TMEM131: variants seen among roughly 807,000 people sequenced by gnomAD.
TMEM131 encodes 2610524E03Rik.
TMEM131 carries 66 observed loss-of-function variants against 211.6 expected under a neutral mutation model. That is an observed-to-expected ratio of 0.31 (90% CI 0.26 to 0.38). The LOEUF is 0.38. TMEM131 is among the 10% of genes least tolerant of loss of function. The pLI is 1.00. For synonymous variants in TMEM131, 844 were observed against 841.3 expected, an observed-to-expected ratio of 1.00 and a Z score of -0.06; for missense variants, 2,036 against 2,299.3, an observed-to-expected ratio of 0.89 and a Z score of 2.34.
rs746751688 is a variant in TMEM131 at position 97,814,072 on chromosome 2, T to C, written c.1516A>G (p.Met506Val). The change falls in exon 15 of 41, where the codon ATG becomes GTG. Residue 506 changes from methionine to valine, a missense_variant. Met to Val is a conservative substitution (Grantham distance 21). Around this residue, in one of 3 missense-constraint regions of TMEM131, gnomAD observed 1,623 missense variants for 1,805.9 expected, o/e 0.90. Coordinates refer to ENST00000186436, the MANE Select transcript of TMEM131 (RefSeq NM_015348.2). ...ESGYIFTLLFMPSTSSMHIDN... is the reference protein window; with the variant it reads ...ESGYIFTLLFVPSTSSMHIDN... Reference sequence around the variant, plus strand: ...ATGTGCATGGATGATGTGGAAGGCATAAAAAGCAGGGTAAAAATGTATCCT... The same window carrying C: ...ATGTGCATGGATGATGTGGAAGGCACAAAAAGCAGGGTAAAAATGTATCCT... The C allele has an allele frequency of 6.2e-7, 1 of 1,603,558 alleles. No homozygotes were observed. Among genetic ancestry groups the C allele is most frequent in the Admixed American group, 1.7e-5 (1 of 58,284 alleles).
rs143505846 is a variant in TMEM131, at chr2:97,966,896, T to C, written c.187+28580A>G. The stretch of plus-strand genomic sequence containing the variant: ...TTACTCTCTACACCACTGAGAAAGG[T>C]AGCCAGGCAGGTCCCTCATATAAGA... On this transcript the variant is annotated intron_variant, in intron 1 of 40. Coordinates refer to ENST00000186436, the MANE Select transcript of TMEM131 (RefSeq NM_015348.2). Among the ~76,000 whole-genome samples, 466 of 151,570 alleles carry C rather than the reference T, an allele frequency of 3.1e-3. 3 individuals are homozygous for C. The highest frequency in any genetic ancestry group is 0.01 in the Middle Eastern group (3 of 294).
At chr2:97,889,228 T>A (rs1166206573) in intron 3 of TMEM131, among the ~76,000 whole-genome samples, 1 of 152,160 alleles carries the variant, frequency 6.6e-6, no homozygotes, top group African/African-American at 2.4e-5. Context: ...CCTCTGCATA[T>A]GTTGAACAGA....
chr2:97,844,577 G>A lies in TMEM131; in HGVS notation c.484-316C>T, dbSNP rs147922168. 5.7e-3 allele frequency among the ~76,000 whole-genome samples: 875 copies of A among 152,202 alleles called. 12 individuals carry two copies. Among genetic ancestry groups the A allele is most frequent in the African/African-American group, 0.018 (764 of 41,512 alleles). ...GATGAGACAATCAGATAGGAGTTGCGTTGAGGCTGAGTTTTCATATAGATA... is the reference window on the plus strand; with the variant it reads ...GATGAGACAATCAGATAGGAGTTGCATTGAGGCTGAGTTTTCATATAGATA... On this transcript the variant is annotated intron_variant, in intron 5 of 40. Coordinates refer to ENST00000186436, the MANE Select transcript of TMEM131 (RefSeq NM_015348.2).
At chr2:97,926,858 AAT>A (rs1677012993) in intron 2 of TMEM131, among the ~76,000 whole-genome samples, 1 of 152,204 alleles carries the variant, frequency 6.6e-6, no homozygotes, top group Non-Finnish European at 1.5e-5. Flanking sequence ...TTCCTCAATC[AAT>A]ACAGAGCAAA....
intron 1 of TMEM131, among the ~76,000 whole-genome samples, chr2:97,932,051 C>A (rs1008532216): frequency 6.6e-6 from 1 of 151,140 alleles, no homozygotes; most frequent in African/African-American, 2.4e-5. Flanking sequence ...AGGATAATGA[C>A]ATTGTGCTTG....
At chr2:97,919,194 T>C (rs1676636173) in intron 2 of TMEM131, among the ~76,000 whole-genome samples, 4 of 152,246 alleles carry the variant, frequency 2.6e-5, no homozygotes, top group South Asian at 2.1e-4. Context: ...ATTATTATTA[T>C]TGTTCTACAA....
rs145241838 is a variant in TMEM131, at chr2:97,986,237, G to A, written c.187+9239C>T. ...TAAGAAAAGAGTAACAGCCAGTGTG[G>A]GGAAGTAAGCACATGCATACAGTAT... is the stretch of plus-strand genomic sequence containing the variant. On this transcript the variant is annotated intron_variant, in intron 1 of 40. Transcript: ENST00000186436. Among the ~76,000 whole-genome samples the A allele has an allele frequency of 8.5e-5, 13 of 152,276 alleles. No homozygotes were observed. In the East Asian group the frequency reaches 2.3e-3, roughly 27 times the overall value.
chr2:97,786,653 C>T (rs987804861), intron 31 of TMEM131, among the ~76,000 whole-genome samples: 1 of 152,186 alleles, frequency 6.6e-6, no homozygotes, highest in Non-Finnish European at 1.5e-5. Context: ...TGTAGAGAAC[C>T]ACCCACTAGC....
chr2:97,987,076 A>G (rs953221033), intron 1 of TMEM131, among the ~76,000 whole-genome samples: 2 of 152,236 alleles, frequency 1.3e-5, no homozygotes, highest in African/African-American at 4.8e-5. Context: ...TGGCTATGCT[A>G]TTTCTCAAAC....
At chr2:97,932,304 T>C (rs1677259817) in intron 1 of TMEM131, among the ~76,000 whole-genome samples, 1 of 152,196 alleles carries the variant, frequency 6.6e-6, no homozygotes, top group Admixed American at 6.5e-5. Flanking sequence ...CCTTCGAGCT[T>C]AAAGACATTT....
chr2:97,764,960 A>G (rs1679082806), intron 35 of TMEM131: 1 of 152,264 alleles, frequency 6.6e-6, no homozygotes, highest in South Asian at 2.1e-4. Flanking sequence ...CCCCTGTGAA[A>G]CTGGCTCCAG....
At position 97,793,498 on chromosome 2, in the gene TMEM131, C is replaced by G; in HGVS notation, c.3442G>C (p.Glu1148Gln). Residue 1148 changes from glutamate (E) to glutamine (Q), a missense_variant, in exon 30 of 41, where the codon GAG becomes CAG. Physicochemically the swap from Glu to Gln is conservative, Grantham distance 29. Transcript: ENST00000186436. Reference sequence around the variant, plus strand: ...AAGGATAGCCGCCTTCGAAATGGCTCCCATATTCCTTGAGCTTCCAAATAG... The same window carrying G: ...AAGGATAGCCGCCTTCGAAATGGCTGCCATATTCCTTGAGCTTCCAAATAG... Reference protein sequence around the residue: ...TAYLEAQGIWEPFRRRLSFEA... With the variant: ...TAYLEAQGIWQPFRRRLSFEA... 6.2e-7 allele frequency: 1 copy of G among 1,613,890 alleles called. No individual in the cohort carries two copies. Among genetic ancestry groups the G allele is most frequent in the Middle Eastern group, 1.6e-4 (1 of 6,062 alleles).
In TMEM131 at chr2:97,792,651, A is replaced by T. The variant is rs1331897733; in HGVS notation, c.3879T>A (p.His1293Gln). ...AKQSQHGSQHHAHSPLEQHPQ... is the reference protein window; with the variant it reads ...AKQSQHGSQHQAHSPLEQHPQ... ...GGTGCTGCTCCAGCGGGCTGTGGGC[A>T]TGGTGCTGGCTGCCGTGCTGGCTCT... is the stretch of plus-strand genomic sequence containing the variant. The change falls in exon 31 of 41, where the codon CAT becomes CAA. Residue 1293 changes from histidine (H) to glutamine (Q), a missense_variant. Transcript: ENST00000186436. The T allele has an allele frequency of 6.2e-7, 1 of 1,613,936 alleles. No homozygotes were observed. Among genetic ancestry groups the T allele is most frequent in the South Asian group, 1.1e-5 (1 of 91,078 alleles).
intron 31 of TMEM131, among the ~76,000 whole-genome samples, chr2:97,779,261 A>G (rs985485468): frequency 3.9e-5 from 6 of 152,160 alleles, no homozygotes; most frequent in African/African-American, 1.4e-4. Context: ...CAAAAGTTCA[A>G]ATGTTAGTGG....
At chr2:97,891,439 C>T (rs541883716) in intron 3 of TMEM131, among the ~76,000 whole-genome samples, 7 of 152,184 alleles carry the variant, frequency 4.6e-5, no homozygotes, top group Non-Finnish European at 7.4e-5. Flanking sequence ...TAGCATATTG[C>T]ATTATTTTAT....
Position 97,805,214 on chromosome 2 carries a change from A to T in TMEM131, c.2285-9T>A, listed in dbSNP as rs772199693. 6.2e-7 allele frequency: 1 copy of T among 1,608,876 alleles called. No individual in the cohort carries two copies. Among genetic ancestry groups the T allele is most frequent in the Non-Finnish European group, 8.5e-7 (1 of 1,177,598 alleles). On this transcript the variant is annotated splice_polypyrimidine_tract_variant and intron_variant, in intron 21 of 40. Transcript: ENST00000186436. Reference sequence around the variant, plus strand: ...CTGCACTTTGGGTTCAGCTAAAACAAGGAAACATACTTAACCTGCATCTAT... The same window carrying T: ...CTGCACTTTGGGTTCAGCTAAAACATGGAAACATACTTAACCTGCATCTAT...
In TMEM131 at chr2:97,756,623, CA is replaced by C. The variant is rs1678496910; in HGVS notation, c.*475del. 1 of 152,456 alleles carries C rather than the reference CA, an allele frequency of 6.6e-6. No individual in the cohort carries two copies. Among genetic ancestry groups the C allele is most frequent in the Non-Finnish European group, 1.5e-5 (1 of 68,232 alleles). 9.4% of individuals were successfully genotyped at this position (152,456 alleles called of 1,614,324 possible). ...CTTTAAAAAAATACTCTATTTTCAG[CA>C]CAAAGTCCTCATACAGTTTTAAAAT... On this transcript the variant is annotated 3_prime_UTR_variant, in exon 41 of 41. Transcript: ENST00000186436.
At chr2:97,984,062 A>G (rs888224873) in intron 1 of TMEM131, among the ~76,000 whole-genome samples, 2 of 152,184 alleles carry the variant, frequency 1.3e-5, no homozygotes, top group African/African-American at 4.8e-5. Context: ...CCTAACACAT[A>G]CCAAAGTTCC....
chr2:97,872,872 C>A (rs1639067841), intron 4 of TMEM131, among the ~76,000 whole-genome samples: 1 of 152,296 alleles, frequency 6.6e-6, no homozygotes, highest in South Asian at 2.1e-4. Context: ...CCATTGGCAC[C>A]TGGAACACCA....
Sources: allele counts gnomAD v4.1 joint callset (sites outside exome capture counted in the v4.1 genomes callset), GRCh38; gene constraint gnomAD v4.1.1; regional missense constraint gnomAD v4.1.1; transcripts MANE v1.5; gene names NCBI Gene and HGNC (gene_info 2026-07-23, HGNC 2026-07-21).